Variants in LAMB1 observed in about 807,000 individuals in gnomAD.
LAMB1 encodes the protein laminin subunit beta-1.
In LAMB1, 121 loss-of-function variants were observed where a neutral mutation model predicts 222.3. The observed-to-expected ratio is 0.54, with a 90% CI of 0.47 to 0.63. The LOEUF is 0.63. LAMB1 is among the 30% of genes least tolerant of loss of function. The pLI is 0.00. For synonymous variants in LAMB1, 794 were observed against 807.2 expected (o/e 0.98, Z 0.28); for missense variants, 2,172 against 2,240.8 (o/e 0.97, Z 0.62).
At chr7:108,001,069 A>AT (rs1362876003) in intron 3 of LAMB1, among the ~76,000 whole-genome samples, 1 of 152,130 alleles carries the variant, frequency 6.6e-6, no homozygotes, top group Non-Finnish European at 1.5e-5. Context: ...TCTGATCCTG[A>AT]TATCTAGTTG....
intron 26 of LAMB1, chr7:107,936,154 A>G (rs1244511664): frequency 6.5e-6 from 1 of 153,748 alleles, no homozygotes; most frequent in Non-Finnish European, 1.4e-5. Flanking sequence ...TTCCTAAACA[A>G]TAAAGTATAA....
chr7:107,955,530 T>C lies in LAMB1; in HGVS notation c.2791A>G (p.Arg931Gly), dbSNP rs2033356415. 6.2e-7 allele frequency: 1 copy of C among 1,614,116 alleles called. No homozygotes were observed. ...DGPDSGRQFA[R>G]SCYQDPVTLQ... ...GTAACAGGATCTTGGTAGCAGCTCC[T>C]GGCAAACTGGCGTCCACTGTCGGGA... The change falls in exon 21 of 34, where the codon AGG becomes GGG. Residue 931 changes from arginine (R) to glycine (G), a missense_variant. Coordinates refer to ENST00000222399, the MANE Select transcript of LAMB1 (RefSeq NM_002291.3).
rs2032642046 is a variant in LAMB1, at chr7:107,929,132, C to CCTGGGCCTTTTCTG, written c.4805_4818dup (p.Val1607GlnfsTer26). ...TGTTTAATTGCCTTCTCTGCTGCGA[C>CCTGGGCCTTTTCTG]CTGGGCCTTTTCTGCTTCTTCCAGA... On this transcript the variant is annotated frameshift_variant, in exon 31 of 34. Transcript: ENST00000222399. LOFTEE classifies it high-confidence loss of function. 1 of 1,614,022 alleles carries CCTGGGCCTTTTCTG rather than the reference C, an allele frequency of 6.2e-7. No homozygotes were observed. The highest frequency in any genetic ancestry group is 8.5e-7 in the Non-Finnish European group (1 of 1,179,992).
chr7:107,925,654 A>T (rs990088666), intron 32 of LAMB1, among the ~76,000 whole-genome samples: 8 of 152,160 alleles, frequency 5.3e-5, no homozygotes, highest in African/African-American at 1.9e-4. Context: ...CTGATTAAAC[A>T]TTTGGGTTGT....
intron 24 of LAMB1, among the ~76,000 whole-genome samples, chr7:107,943,738 T>C (rs2033049085): frequency 6.6e-6 from 1 of 152,160 alleles, no homozygotes; most frequent in Non-Finnish European, 1.5e-5. Flanking sequence ...GCGACCCCGT[T>C]TTGTGGAGCA....
Position 107,976,655 on chromosome 7 carries a change from T to A in LAMB1, c.1001-778A>T, listed in dbSNP as rs137968160. Among the ~76,000 whole-genome samples, 239 of 152,240 alleles carry A rather than the reference T, an allele frequency of 1.6e-3. 7 individuals carry two copies. The East Asian group carries it at 0.039, about 25-fold the overall frequency. On this transcript the variant is annotated intron_variant, in intron 9 of 33. Coordinates refer to ENST00000222399, the MANE Select transcript of LAMB1 (RefSeq NM_002291.3). ...AGGGACTGTGTCTTATCTACTCACA[T>A]CCTTGGTGCCCAACAGAGTACTGCT...
chr7:107,988,234 C>A (rs2237704), intron 5 of LAMB1, among the ~76,000 whole-genome samples: 148,732 of 152,310 alleles, frequency 0.98, 72,675 homozygotes, highest in Middle Eastern at 1. Flanking sequence ...AGCCAGGTAG[C>A]TGTGTTGCCA....
chr7:107,958,521 G>A (rs1196532215), intron 20 of LAMB1, among the ~76,000 whole-genome samples: 4 of 152,204 alleles, frequency 2.6e-5, no homozygotes, highest in East Asian at 3.8e-4. Context: ...TCGATAGGGC[G>A]AATGGATGTT....
At chr7:107,932,504 GTGTT>G in intron 27 of LAMB1, 127 bp from the exon 28 acceptor site, 1 of 792,788 alleles carries the variant, frequency 1.3e-6, no homozygotes, top group Non-Finnish European at 2.1e-6. Flanking sequence ...CTTGAAAACA[GTGTT>G]TGGGAGACAG....
chr7:107,940,211 T>C lies in LAMB1; in HGVS notation c.3539A>G (p.His1180Arg), dbSNP rs752596049. ...CACATCCCAGAGAGCAAAGCACTGG[T>C]GGCAGGGTGTGCAGTCAGGGAAGAC... ...SGVFPDCTPC[H>R]QCFALWDVII... The change falls in exon 25 of 34, where the codon CAC (histidine) becomes CGC (arginine). Residue 1180 changes from histidine to arginine, a missense_variant. His to Arg is a conservative substitution (Grantham distance 29). Coordinates refer to ENST00000222399, the MANE Select transcript of LAMB1 (RefSeq NM_002291.3). 1 of 1,614,158 alleles carries C rather than the reference T, an allele frequency of 6.2e-7. No individual in the cohort carries two copies. Among genetic ancestry groups the C allele is most frequent in the South Asian group, 1.1e-5 (1 of 91,084 alleles).
rs141383274 is a variant in LAMB1, at chr7:107,951,900, C to T, written c.3294+109G>A. On this transcript the variant is annotated intron_variant, in intron 23 of 33. Transcript: ENST00000222399. Reference sequence around the variant, plus strand: ...CAAATGAGGGCTAAGATCCAGGCCACGCTGTGTTTCAAGCTGTGTGCCCTG... The same window carrying T: ...CAAATGAGGGCTAAGATCCAGGCCATGCTGTGTTTCAAGCTGTGTGCCCTG... 270 of 893,990 alleles carry T rather than the reference C, an allele frequency of 3.0e-4. 1 individual carries two copies. The East Asian group carries it at 3.7e-3, about 12-fold the overall frequency. The allele number at this position is 893,990 out of a possible 1,614,324, so 55.4% of individuals were successfully genotyped here. A position where few individuals can be genotyped will look rare whatever the true frequency, so the allele number is the denominator to read the frequency against.
At position 107,953,720 on chromosome 7, in the gene LAMB1, A is replaced by G. The variant is rs1358215929; in HGVS notation, c.2889T>C (p.Phe963=). 2 of 1,614,178 alleles carry G rather than the reference A, an allele frequency of 1.2e-6. No homozygotes were observed. Among genetic ancestry groups the G allele is most frequent in the Admixed American group, 1.7e-5 (1 of 60,024 alleles). The change falls in exon 22 of 34, where the codon TTT becomes TTC. Residue 963 remains phenylalanine (F), a synonymous_variant. Coordinates refer to ENST00000222399, the MANE Select transcript of LAMB1 (RefSeq NM_002291.3). ...ACCCCCCAACTTCTGATGGATTGCCAAAGTATCCTGAGGCACAGTCGTCAC... is the reference window on the plus strand; with the variant it reads ...ACCCCCCAACTTCTGATGGATTGCCGAAGTATCCTGAGGCACAGTCGTCAC... ...SRCDDCASGY[F]GNPSEVGGSC... is the part of the protein sequence containing the mutation.
chr7:107,978,658 T>C (rs1470923313), intron 8 of LAMB1, among the ~76,000 whole-genome samples: 1 of 151,840 alleles, frequency 6.6e-6, no homozygotes, highest in African/African-American at 2.4e-5. Flanking sequence ...TTTTTTTTAC[T>C]TCAGGCATAG....
At position 107,959,722 on chromosome 7, in the gene LAMB1, T is replaced by C. The variant is rs1253429168; in HGVS notation, c.2427A>G (p.Gly809=). The C allele has an allele frequency of 1.9e-6, 3 of 1,614,094 alleles. No individual in the cohort carries two copies. Among genetic ancestry groups the C allele is most frequent in the Non-Finnish European group, 2.5e-6 (3 of 1,180,048 alleles). Residue 809 remains glycine, a synonymous_variant, in exon 19 of 34, where the codon GGA becomes GGG. Transcript: ENST00000222399. ...VGRTCNRCAP[G]TFGFGPSGCK... ...ATCCACTGGGGCCAAAGCCAAAAGTTCCAGGTGCACATCTGTTGCAGGTTC... is the reference window on the plus strand; with the variant it reads ...ATCCACTGGGGCCAAAGCCAAAAGTCCCAGGTGCACATCTGTTGCAGGTTC...
At chr7:107,954,217 T>C (rs2033326077) in intron 21 of LAMB1, among the ~76,000 whole-genome samples, 2 of 152,228 alleles carry the variant, frequency 1.3e-5, no homozygotes, top group African/African-American at 4.8e-5. Context: ...TGCAGTGACA[T>C]GATAATAGCT....
chr7:107,972,610 A>G (rs1029370099), intron 13 of LAMB1, among the ~76,000 whole-genome samples: 2 of 152,178 alleles, frequency 1.3e-5, no homozygotes, highest in Non-Finnish European at 2.9e-5. Context: ...GAAAAAAAGA[A>G]AATGAAAAGA....
intron 2 of LAMB1, chr7:108,002,136 T>C (rs752247617): frequency 3.5e-5 from 51 of 1,463,990 alleles, no homozygotes; most frequent in Non-Finnish European, 4.6e-5. Flanking sequence ...CCCACGCACG[T>C]GAACCCGCGT....
intron 7 of LAMB1, among the ~76,000 whole-genome samples, chr7:107,982,121 T>C (rs1297045659): frequency 5.3e-5 from 8 of 152,232 alleles, no homozygotes. Flanking sequence ...CTTCTGCTTA[T>C]TGTAAATGCT....
chr7:107,929,918 AAAG>A (rs1473200455), intron 29 of LAMB1: 1 of 403,126 alleles, frequency 2.5e-6, no homozygotes, highest in Non-Finnish European at 4.5e-6. Context: ...ATAGAATTTG[AAAG>A]AAGAAAGGAC....
Sources: allele counts gnomAD v4.1 joint callset (sites outside exome capture counted in the v4.1 genomes callset), GRCh38; gene constraint gnomAD v4.1.1; transcripts MANE v1.5; gene names NCBI Gene and HGNC (gene_info 2026-07-23, HGNC 2026-07-21).